HDLBP: variants seen among roughly 807,000 people sequenced by gnomAD.
HDLBP encodes vigilin.
Under a neutral mutation model 137.3 loss-of-function variants are expected in HDLBP, and 30 were observed. The ratio of observed to expected loss-of-function variants is 0.22; its 90% CI spans 0.16 to 0.30. HDLBP has a LOEUF of 0.30. Among genes scored for constraint, HDLBP ranks in the 10% least tolerant of loss-of-function variants. The probability of loss-of-function intolerance (pLI) is 1.00; values close to 1 mark genes in which losing one functional copy is unlikely to be tolerated. For missense variants in HDLBP, 1,119 were observed against 1,667.3 expected (o/e 0.67, Z 5.73); for synonymous variants, 606 against 596.0 (o/e 1.02, Z -0.24).
intron 11 of HDLBP, 143 bp downstream of exon 11, chr2:241,252,814 A>G (rs1464504374): frequency 7.0e-6 from 4 of 568,462 alleles, no homozygotes; most frequent in Non-Finnish European, 1.3e-5. Flanking sequence ...TCCAGCAGGC[A>G]GGAGGATGTA....
chr2:241,242,815 C>G, intron 16 of HDLBP, 137 bp from the exon 17 acceptor site: 1 of 741,556 alleles, frequency 1.3e-6, no homozygotes, highest in Non-Finnish European at 2.3e-6. Context: ...CAAGCACTGA[C>G]CAAACTTCTC....
intron 1 of HDLBP, chr2:241,273,501 C>T: frequency 1.4e-6 from 1 of 739,346 alleles, no homozygotes; most frequent in African/African-American, 1.9e-5. Context: ...TCCCTACTCT[C>T]GGGGTCTCCA....
intron 21 of HDLBP, chr2:241,236,277 G>A (rs2070420259): frequency 3.1e-6 from 1 of 327,080 alleles, no homozygotes; most frequent in Non-Finnish European, 5.7e-6. Context: ...CCCCACTCAC[G>A]CGGGGGGAGA....
intron 1 of HDLBP, among the ~76,000 whole-genome samples, chr2:241,307,176 A>G (rs929888020): frequency 6.6e-6 from 1 of 152,162 alleles, no homozygotes; most frequent in Non-Finnish European, 1.5e-5. Flanking sequence ...TTCTGTACCT[A>G]AGACAGCAAG....
intron 1 of HDLBP, among the ~76,000 whole-genome samples, chr2:241,269,869 TC>T (rs2073929125): frequency 6.6e-6 from 1 of 152,116 alleles, no homozygotes; most frequent in South Asian, 2.1e-4. Context: ...GCCTCTGGTC[TC>T]CCGCATCCAC....
chr2:241,277,097 A>C lies in HDLBP; in HGVS notation c.-102-8556T>G, dbSNP rs529846260. Among the ~76,000 whole-genome samples, 9 of 152,262 alleles carry C rather than the reference A, an allele frequency of 5.9e-5. No individual in the cohort carries two copies. The East Asian group carries it at 1.7e-3, about 29-fold the overall frequency. Reference sequence around the variant, plus strand: ...AAAATTTAAAGACTATATAAGTTTTAAAACTTGCTTCTAAGTAACTCATGG... The same window carrying C: ...AAAATTTAAAGACTATATAAGTTTTCAAACTTGCTTCTAAGTAACTCATGG... On this transcript the variant is annotated intron_variant, in intron 1 of 27. Transcript: ENST00000310931.
intron 5 of HDLBP, among the ~76,000 whole-genome samples, chr2:241,260,684 G>GA (rs1156275659): frequency 6.6e-6 from 1 of 152,176 alleles, no homozygotes; most frequent in African/African-American, 2.4e-5. Context: ...GGAAGACCCA[G>GA]ACCTGAGCCT....
chr2:241,278,981 C>T (rs186733000), intron 1 of HDLBP, among the ~76,000 whole-genome samples: 3 of 152,228 alleles, frequency 2.0e-5, no homozygotes, highest in South Asian at 2.1e-4. Flanking sequence ...ACCAAGATCA[C>T]GCCACTGCAC....
At chr2:241,246,911 G>A (rs1191352264) in intron 15 of HDLBP, 28 bp from the exon 16 acceptor site, 2 of 1,612,880 alleles carry the variant, frequency 1.2e-6, no homozygotes, top group Non-Finnish European at 1.7e-6. Context: ...ACCATGAGAA[G>A]CTGACTAGAG....
At chr2:241,256,578 G>T in intron 6 of HDLBP, 22 bp downstream of exon 6, 1 of 1,610,104 alleles carries the variant, frequency 6.2e-7, no homozygotes, top group Non-Finnish European at 8.5e-7. Context: ...GCAGGGGCAC[G>T]AGGCACTCAC....
chr2:241,255,594 C>T lies in HDLBP; in HGVS notation c.874-14G>A, dbSNP rs2072548916. The T allele has an allele frequency of 6.2e-7, 1 of 1,601,978 alleles. No homozygotes were observed. The highest frequency in any genetic ancestry group is 8.6e-7 in the Non-Finnish European group (1 of 1,169,012). On this transcript the variant is annotated splice_polypyrimidine_tract_variant and intron_variant, in intron 7 of 27. Coordinates refer to ENST00000310931, the MANE Select transcript of HDLBP (RefSeq NM_005336.6). ...AGTCTTCTTTTTCTAAATAAGAGCA[C>T]CATAAGGGGCAGTCAAAGGGAAAGG...
chr2:241,247,008 A>T, intron 15 of HDLBP, 48 bp downstream of exon 15: 2 of 1,562,808 alleles, frequency 1.3e-6, no homozygotes, highest in Non-Finnish European at 1.8e-6. Context: ...GTGCAGGGCT[A>T]CAGAGGACAA....
rs1289776909 is a variant in HDLBP at position 241,233,024 on chromosome 2, C to T, written c.3288+796G>A. 4.0e-5 allele frequency among the ~76,000 whole-genome samples: 6 copies of T among 151,864 alleles called. No homozygotes were observed. Among genetic ancestry groups the T allele is most frequent in the Non-Finnish European group, 8.8e-5 (6 of 67,962 alleles). On this transcript the variant is annotated intron_variant, in intron 24 of 27. Transcript: ENST00000310931. This position sits in a 1 kb window ranked among gnomAD's most constrained non-coding sequence, Gnocchi z 4.3. Reference sequence around the variant, plus strand: ...AGGGGAAGCAGCGGAAAACCCTGGGCGGCACATCCACAGTGGGAGCGAGGG... The same window carrying T: ...AGGGGAAGCAGCGGAAAACCCTGGGTGGCACATCCACAGTGGGAGCGAGGG...
intron 1 of HDLBP, among the ~76,000 whole-genome samples, chr2:241,273,901 G>C (rs974912008): frequency 6.6e-6 from 1 of 151,798 alleles, no homozygotes; most frequent in African/African-American, 2.4e-5. Context: ...GGGGAGGGGA[G>C]GGCAGGGGAG....
chr2:241,305,281 A>ATG (rs2075533270), intron 1 of HDLBP, among the ~76,000 whole-genome samples: 1 of 152,102 alleles, frequency 6.6e-6, no homozygotes, highest in Non-Finnish European at 1.5e-5. Flanking sequence ...GTGTCACTAC[A>ATG]CCCGGCTAAT....
intron 1 of HDLBP, among the ~76,000 whole-genome samples, chr2:241,284,688 GT>G (rs761480752): frequency 7.9e-5 from 12 of 152,166 alleles, no homozygotes; most frequent in Non-Finnish European, 1.6e-4. Context: ...GAAATCTTTT[GT>G]GGAAGAGTCA....
intron 24 of HDLBP, among the ~76,000 whole-genome samples, chr2:241,232,322 C>CTGGA (rs2069865455): frequency 6.6e-6 from 1 of 150,964 alleles, no homozygotes; most frequent in African/African-American, 2.4e-5. Context: ...GTCGCCCAGG[C>CTGGA]TGGAGTGCAA....
At chr2:241,297,546 A>G (rs1480528075) in intron 1 of HDLBP, among the ~76,000 whole-genome samples, 1 of 152,190 alleles carries the variant, frequency 6.6e-6, no homozygotes, top group Non-Finnish European at 1.5e-5. Context: ...GTATGTATAC[A>G]CATACTCTGT....
At chr2:241,257,863 C>T (rs576865789) in intron 5 of HDLBP, among the ~76,000 whole-genome samples, 27 of 149,448 alleles carry the variant, frequency 1.8e-4, no homozygotes, top group Non-Finnish European at 3.3e-4. Context: ...TACCAGTATA[C>T]GGAAAGACCT....
Sources: gnomAD v4.1 joint callset for allele counts (sites outside exome capture counted in the v4.1 genomes callset) on GRCh38, gnomAD v4.1.1 for gene constraint, Gnocchi (gnomAD v3.1) non-coding constraint, MANE v1.5 for transcripts, NCBI Gene and HGNC (gene_info 2026-07-23, HGNC 2026-07-21) for gene names.